Variants in ENAH observed in about 807,000 individuals in gnomAD.
ENAH encodes the protein ENAH actin regulator.
Under a neutral mutation model 78.7 loss-of-function variants are expected in ENAH, and 23 were observed. That is an observed-to-expected ratio of 0.29 (90% confidence interval 0.21 to 0.41). The LOEUF is 0.41. Ranked by LOEUF, ENAH falls within the 10% of genes least tolerant of loss-of-function variation. The pLI, the probability that ENAH is intolerant of heterozygous loss-of-function variation, is 1.00. For synonymous variants in ENAH, 226 were observed against 241.0 expected (o/e 0.94, Z 0.58); for missense variants, 544 against 691.0 (o/e 0.79, Z 2.39).
chr1:225,553,547 T>A (rs995962542), intron 3 of ENAH, among the ~76,000 whole-genome samples: 24 of 150,190 alleles, frequency 1.6e-4, no homozygotes, highest in Non-Finnish European at 2.7e-4. Flanking sequence ...ATTTATCACA[T>A]AACTGACCTA....
Position 225,617,771 on chromosome 1 carries a change from A to C in ENAH, c.5+34915T>G, listed in dbSNP as rs539264645. Among the ~76,000 whole-genome samples, 95 of 152,276 alleles carry C rather than the reference A, an allele frequency of 6.2e-4. 1 individual carries two copies. The South Asian group carries it at 0.019, about 31-fold the overall frequency. On this transcript the variant is annotated intron_variant, in intron 1 of 13. Transcript: ENST00000366843. ...CATTAGAATTTACATTCCAACACAC[A>C]ATATGAATAAATCTCATGTGATACT...
intron 1 of ENAH, among the ~76,000 whole-genome samples, chr1:225,587,904 G>A (rs901663795): frequency 6.6e-6 from 1 of 152,148 alleles, no homozygotes; most frequent in Non-Finnish European, 1.5e-5. Context: ...TTTTCAATAA[G>A]TGGTGCTGGA....
At chr1:225,648,507 G>A (rs1174809098) in intron 1 of ENAH, among the ~76,000 whole-genome samples, 1 of 152,140 alleles carries the variant, frequency 6.6e-6, no homozygotes, top group Non-Finnish European at 1.5e-5. Context: ...ATAAACTTTA[G>A]TGAATTTTCT....
At chr1:225,596,201 C>T (rs1404513650) in intron 1 of ENAH, among the ~76,000 whole-genome samples, 1 of 152,296 alleles carries the variant, frequency 6.6e-6, no homozygotes, top group Non-Finnish European at 1.5e-5. Context: ...GCTAGTGAGA[C>T]AGACAGCTAT....
At chr1:225,552,884 A>T (rs2151413649) in intron 3 of ENAH, among the ~76,000 whole-genome samples, 1 of 152,284 alleles carries the variant, frequency 6.6e-6, no homozygotes. Context: ...TTACCTTACA[A>T]TAGAGAATGT....
chr1:225,544,238 G>A (rs2096602747), intron 3 of ENAH, among the ~76,000 whole-genome samples: 1 of 152,154 alleles, frequency 6.6e-6, no homozygotes, highest in South Asian at 2.1e-4. Context: ...TTCAATTTAT[G>A]AGCAATAAAG....
chr1:225,616,369 C>G (rs1023717315), intron 1 of ENAH, among the ~76,000 whole-genome samples: 1 of 148,556 alleles, frequency 6.7e-6, no homozygotes, highest in Admixed American at 6.7e-5. Flanking sequence ...GAAATAGTCA[C>G]ATTTAAGGCA....
chr1:225,616,371 T>C (rs2148198279), intron 1 of ENAH, among the ~76,000 whole-genome samples: 1 of 151,390 alleles, frequency 6.6e-6, no homozygotes, highest in South Asian at 2.1e-4. Flanking sequence ...AATAGTCACA[T>C]TTAAGGCATG....
chr1:225,652,636 G>A, intron 1 of ENAH, 50 bp downstream of exon 1: 4 of 1,262,836 alleles, frequency 3.2e-6, no homozygotes, highest in Non-Finnish European at 3.0e-6. Flanking sequence ...GGGGGTCGCG[G>A]CTCCCGCGGC....
chr1:225,504,038 ACTCT>A (rs2096306133), intron 11 of ENAH, among the ~76,000 whole-genome samples: 1 of 148,896 alleles, frequency 6.7e-6, no homozygotes, highest in Non-Finnish European at 1.5e-5. Flanking sequence ...AGAGGGTCTC[ACTCT>A]GTCACCCAGG....
rs2096212937 is a variant in ENAH, at chr1:225,489,540, C to CT, written c.*8234dup. ...TAAGATGGGAGAGCCAAACTCAGAT[C>CT]TTTTTTCTCCTTCTCTTCAAAGATC... On this transcript the variant is annotated 3_prime_UTR_variant, in exon 14 of 14. Transcript: ENST00000366843. 1 of 152,094 alleles carries CT rather than the reference C, an allele frequency of 6.6e-6. No individual in the cohort carries two copies. The highest frequency in any genetic ancestry group is 6.5e-5 in the Admixed American group (1 of 15,268). The allele number at this position is 152,094 out of a possible 1,614,324, so 9.4% of individuals were successfully genotyped here.
At chr1:225,577,486 G>C (rs1221701416) in intron 1 of ENAH, among the ~76,000 whole-genome samples, 1 of 152,214 alleles carries the variant, frequency 6.6e-6, no homozygotes, top group Non-Finnish European at 1.5e-5. Context: ...GAATGCAGCA[G>C]CACCAAATAT....
chr1:225,603,862 T>C (rs1183409676), intron 1 of ENAH, among the ~76,000 whole-genome samples: 2 of 152,218 alleles, frequency 1.3e-5, no homozygotes, highest in Non-Finnish European at 2.9e-5. Context: ...TGGGTTTAAA[T>C]GGTCAAAATA....
Position 225,493,386 on chromosome 1 carries a change from G to A in ENAH, c.*4389C>T, listed in dbSNP as rs2096232621. On this transcript the variant is annotated 3_prime_UTR_variant, in exon 14 of 14. Transcript: ENST00000366843. ...TCTACTATGTCTTTACATAGCCAAA[G>A]CTACCTACATCAATTTCATTCCTTC... is the stretch of plus-strand genomic sequence containing the variant. 1 of 152,130 alleles carries A rather than the reference G, an allele frequency of 6.6e-6. No homozygotes were observed. The highest frequency in any genetic ancestry group is 1.5e-5 in the Non-Finnish European group (1 of 68,024). The allele number at this position is 152,130 out of a possible 1,614,324, so 9.4% of individuals were successfully genotyped here.
intron 12 of ENAH, among the ~76,000 whole-genome samples, chr1:225,500,278 C>T (rs906387198): frequency 5.3e-5 from 8 of 152,170 alleles, no homozygotes; most frequent in Non-Finnish European, 7.4e-5. Context: ...AATCTTATCA[C>T]TTACTACTTT....
chr1:225,625,681 A>G (rs558858104), intron 1 of ENAH, among the ~76,000 whole-genome samples: 10 of 152,058 alleles, frequency 6.6e-5, no homozygotes, highest in African/African-American at 2.4e-4. Flanking sequence ...GTGCCCGGCT[A>G]ATTGTTTGTA....
rs374140400 is a variant in ENAH at position 225,524,112 on chromosome 1, TCAGA to T, written c.435-4551_435-4548del. On this transcript the variant is annotated intron_variant, in intron 4 of 13. Coordinates refer to ENST00000366843, the MANE Select transcript of ENAH (RefSeq NM_018212.6). Reference sequence around the variant, plus strand: ...TTATTTTTTAAGCATTTAAAAAATATCAGACACAGTTCCTCCACCACCCAAATAC... The same window carrying T: ...TTATTTTTTAAGCATTTAAAAAATATCACAGTTCCTCCACCACCCAAATAC... Among the ~76,000 whole-genome samples the T allele has an allele frequency of 1.6e-3, 242 of 152,288 alleles. 2 individuals are homozygous for T. The highest frequency in any genetic ancestry group is 0.012 in the Admixed American group (188 of 15,302).
chr1:225,612,520 C>A (rs1020908987), intron 1 of ENAH, among the ~76,000 whole-genome samples: 1 of 152,142 alleles, frequency 6.6e-6, no homozygotes, highest in African/African-American at 2.4e-5. Context: ...AATGGTTGCA[C>A]AACACTGTGG....
chr1:225,561,895 G>A (rs1049728520), intron 2 of ENAH, among the ~76,000 whole-genome samples: 1 of 152,004 alleles, frequency 6.6e-6, no homozygotes, highest in Non-Finnish European at 1.5e-5. Context: ...TCCTGTCTAT[G>A]AGGTCATACA....
Sources: gnomAD v4.1 joint callset for allele counts (sites outside exome capture counted in the v4.1 genomes callset) on GRCh38, gnomAD v4.1.1 for gene constraint, MANE v1.5 for transcripts, NCBI Gene and HGNC (gene_info 2026-07-23, HGNC 2026-07-21) for gene names.